Variants in SLC2A9 observed in about 807,000 individuals in gnomAD.
SLC2A9 encodes the protein solute carrier family 2, facilitated glucose transporter member 9.
Under a neutral mutation model 50.6 loss-of-function variants are expected in SLC2A9, and 39 were observed. The observed-to-expected ratio is 0.77, with a 90% CI of 0.60 to 1.01. The LOEUF (loss-of-function observed/expected upper bound fraction) is 1.01. Among genes scored for constraint, SLC2A9 ranks in the 50% least tolerant of loss-of-function variants. SLC2A9 has a pLI of 0.00. For synonymous variants in SLC2A9, 324 were observed against 276.9 expected (o/e 1.17, Z -1.69); for missense variants, 686 against 677.6 (o/e 1.01, Z -0.14).
intron 3 of SLC2A9, among the ~76,000 whole-genome samples, chr4:9,791,119 C>G (rs1216042348): frequency 6.6e-6 from 1 of 152,142 alleles, no homozygotes; most frequent in African/African-American, 2.4e-5. Context: ...AAAAATAATT[C>G]AGTGGGCCAA....
Position 10,001,635 on chromosome 4 carries a change from C to T in SLC2A9, c.250-4694G>A, listed in dbSNP as rs191409840. ...CCACTCAACCGGTCCAAACTGCCAT[C>T]CCCTCACTGGGGCTACCAGGACACT... On this transcript the variant is annotated intron_variant, in intron 2 of 11. Transcript: ENST00000264784. Among the ~76,000 whole-genome samples the T allele has an allele frequency of 5.8e-3, 891 of 152,332 alleles. 10 individuals are homozygous for T. Among genetic ancestry groups the T allele is most frequent in the African/African-American group, 0.021 (853 of 41,582 alleles).
intron 6 of SLC2A9, among the ~76,000 whole-genome samples, chr4:9,938,560 T>G (rs1350025500): frequency 6.6e-6 from 1 of 152,162 alleles, no homozygotes; most frequent in East Asian, 1.9e-4. Context: ...CGTGAGCCAC[T>G]GCGCCTGGCC....
At chr4:9,958,668 A>G (rs990262198) in intron 5 of SLC2A9, among the ~76,000 whole-genome samples, 2 of 152,316 alleles carry the variant, frequency 1.3e-5, no homozygotes, top group African/African-American at 4.8e-5. Context: ...ACAAAAAACA[A>G]GAAGAGGAGG....
At chr4:9,817,569 G>C in intron 3 of SLC2A9, among the ~76,000 whole-genome samples, 1 of 152,222 alleles carries the variant, frequency 6.6e-6, no homozygotes, top group East Asian at 1.9e-4. Context: ...CACTCACATA[G>C]TCACATTTGT....
chr4:9,996,675 T>G, intron 3 of SLC2A9, 106 bp downstream of exon 3: 2 of 1,377,732 alleles, frequency 1.5e-6, no homozygotes, highest in Middle Eastern at 1.8e-4. Context: ...ATCTCTCCAG[T>G]TGAACTGCCT....
chr4:10,031,691 C>G (rs201837534), intron 1 of SLC2A9, among the ~76,000 whole-genome samples: 1 of 152,210 alleles, frequency 6.6e-6, no homozygotes, highest in African/African-American at 2.4e-5. Flanking sequence ...AGGAAGGGGC[C>G]GGAGGACTCC....
At chr4:9,785,355 G>A (rs1719085256) in intron 3 of SLC2A9, among the ~76,000 whole-genome samples, 1 of 152,214 alleles carries the variant, frequency 6.6e-6, no homozygotes, top group African/African-American at 2.4e-5. Context: ...GGACTTCTTA[G>A]AGCTTCTCCT....
intron 3 of SLC2A9, among the ~76,000 whole-genome samples, chr4:9,804,248 T>G (rs1519096): frequency 6.6e-6 from 1 of 152,060 alleles, no homozygotes; most frequent in Non-Finnish European, 1.5e-5. Context: ...ATTTGCTGAG[T>G]GGACTCAGGA....
At chr4:10,032,244 T>C (rs942120835) in intron 1 of SLC2A9, among the ~76,000 whole-genome samples, 1 of 152,054 alleles carries the variant, frequency 6.6e-6, no homozygotes, top group Non-Finnish European at 1.5e-5. Flanking sequence ...GAAATTCTGA[T>C]GTGATGGGAG....
chr4:9,798,627 G>GT (rs1720903628), downstream of SLC2A9: 1 of 152,070 alleles, frequency 6.6e-6, no homozygotes, highest in Non-Finnish European at 1.5e-5. Flanking sequence ...AAGGAGTTTT[G>GT]TTATTCTCAT....
intron 1 of SLC2A9, among the ~76,000 whole-genome samples, chr4:9,774,289 G>A (rs2090693673): frequency 6.6e-6 from 1 of 151,874 alleles, no homozygotes; most frequent in South Asian, 2.1e-4. Flanking sequence ...CACCACATCT[G>A]GCCAAAAAAT....
chr4:9,983,454 C>A (rs890452927), intron 4 of SLC2A9, among the ~76,000 whole-genome samples: 26 of 152,238 alleles, frequency 1.7e-4, no homozygotes, highest in Non-Finnish European at 5.9e-5. Flanking sequence ...AGCCCAAGAA[C>A]TTTATGCAAG....
chr4:9,835,675 T>C (rs1189332987), intron 10 of SLC2A9, among the ~76,000 whole-genome samples: 1 of 152,222 alleles, frequency 6.6e-6, no homozygotes, highest in Non-Finnish European at 1.5e-5. Context: ...GCGGAACCCT[T>C]GTCTGCTGGG....
At chr4:9,935,838 T>C (rs1400179181) in intron 6 of SLC2A9, among the ~76,000 whole-genome samples, 4 of 152,206 alleles carry the variant, frequency 2.6e-5, no homozygotes, top group Admixed American at 2.0e-4. Flanking sequence ...TTCCACTCTT[T>C]CCTGCAGGAA....
intron 2 of SLC2A9, among the ~76,000 whole-genome samples, chr4:10,010,628 T>C (rs995499561): frequency 6.6e-6 from 1 of 150,570 alleles, no homozygotes; most frequent in South Asian, 2.1e-4. Context: ...TGAACAGTAT[T>C]GTTTTAGGTG....
intron 5 of SLC2A9, among the ~76,000 whole-genome samples, chr4:9,957,120 G>A (rs888295658): frequency 2.0e-5 from 3 of 151,994 alleles, no homozygotes; most frequent in African/African-American, 4.8e-5. Flanking sequence ...ACTTCTTGAT[G>A]GGAACCAGAA....
At chr4:9,802,198 G>A (rs1180913659) in intron 3 of SLC2A9, among the ~76,000 whole-genome samples, 5 of 152,080 alleles carry the variant, frequency 3.3e-5, no homozygotes, top group African/African-American at 7.2e-5. Context: ...GGATGTATGT[G>A]TACATATTTG....
chr4:9,773,689 C>A (rs1170248638), intron 1 of SLC2A9, among the ~76,000 whole-genome samples: 1 of 152,218 alleles, frequency 6.6e-6, no homozygotes. Context: ...TTATTAGCTG[C>A]TTAGTTGATT....
At chr4:9,888,326 G>A (rs1022590646) in intron 9 of SLC2A9, among the ~76,000 whole-genome samples, 4 of 150,678 alleles carry the variant, frequency 2.7e-5, no homozygotes, top group Non-Finnish European at 5.9e-5. Flanking sequence ...CATTTTAAAG[G>A]CTTCTATATT....
Sources: allele counts gnomAD v4.1 joint callset (sites outside exome capture counted in the v4.1 genomes callset), GRCh38; gene constraint gnomAD v4.1.1; transcripts MANE v1.5; gene names NCBI Gene and HGNC (gene_info 2026-07-23, HGNC 2026-07-21).